The following NDRG2 variants were observed in gnomAD, a reference collection of about 807,000 sequenced individuals.
NDRG2 encodes NDRG family member 2, also known as protein NDRG2.
A neutral mutation model predicts 58.2 loss-of-function variants in NDRG2; 34 were observed. That is an observed-to-expected ratio of 0.58 (90% CI 0.44 to 0.78). NDRG2 has a LOEUF of 0.78. Among genes scored for constraint, NDRG2 ranks in the 30% least tolerant of loss-of-function variants. NDRG2 has a pLI of 0.00. For synonymous variants in NDRG2, 187 were observed against 175.9 expected (o/e 1.06, Z -0.50); for missense variants, 434 against 471.2 (o/e 0.92, Z 0.73).
At chr14:21,052,691 G>C (rs1885520125) in intron 1 of NDRG2, among the ~76,000 whole-genome samples, 1 of 152,206 alleles carries the variant, frequency 6.6e-6, no homozygotes. Context: ...GGCTGGGAAG[G>C]CTGGATGTTA....
At chr14:21,059,245 G>A (rs1009605779) in intron 1 of NDRG2, among the ~76,000 whole-genome samples, 2 of 152,170 alleles carry the variant, frequency 1.3e-5, no homozygotes, top group Admixed American at 6.5e-5. Flanking sequence ...TCAGAATCAG[G>A]ACCTACTAGG....
chr14:21,055,789 C>T (rs1004960869), intron 1 of NDRG2, among the ~76,000 whole-genome samples: 1 of 152,130 alleles, frequency 6.6e-6, no homozygotes, highest in Non-Finnish European at 1.5e-5. Context: ...CACTTGGTAA[C>T]CCTTCCATCC....
At chr14:21,029,590 C>A (rs1883923835), upstream of NDRG2, among the ~76,000 whole-genome samples, 1 of 152,176 alleles carries the variant, frequency 6.6e-6, no homozygotes, top group South Asian at 2.1e-4. Context: ...GACAGCGAGA[C>A]TCCATCTCAA....
upstream of NDRG2, chr14:21,029,221 A>C (rs1883897871): frequency 6.6e-6 from 1 of 152,220 alleles, no homozygotes; most frequent in Non-Finnish European, 1.5e-5. Context: ...GGAGACTAGA[A>C]AACATGACAG....
intron 1 of NDRG2, chr14:21,043,594 G>A: frequency 1.5e-6 from 1 of 676,900 alleles, no homozygotes; most frequent in Non-Finnish European, 2.5e-6. Context: ...TCTGCTGGGA[G>A]GCTGAAGCTG....
Position 21,024,944 on chromosome 14 carries a change from CAGGGG to C in NDRG2, c.-926_-922del, listed in dbSNP as rs1365738159. 1.0e-6 allele frequency: 1 copy of C among 985,508 alleles called. No individual in the cohort carries two copies. The highest frequency in any genetic ancestry group is 1.1e-4 in the East Asian group (1 of 8,792). The allele number at this position is 985,508 out of a possible 1,614,324, so 61.0% of individuals were successfully genotyped here. A position where few individuals can be genotyped will look rare whatever the true frequency, so the allele number is the denominator to read the frequency against. On this transcript the variant is annotated 5_prime_UTR_variant, in exon 1 of 16. Transcript: ENST00000556147. ...GCCCTTTCCCCCGAGCCTCCAGCTC[CAGGGG>C]ACGCGGATCAATCACACCGCCCGCC...
intron 1 of NDRG2, chr14:21,043,247 C>A: frequency 1.2e-6 from 2 of 1,614,192 alleles, no homozygotes; most frequent in Non-Finnish European, 1.7e-6. Flanking sequence ...CCTGCCAGAC[C>A]CCCAAAATAG....
upstream of NDRG2, chr14:21,025,901 G>C (rs1883543745): frequency 5.3e-6 from 1 of 188,496 alleles, no homozygotes; most frequent in Non-Finnish European, 9.9e-6. The surrounding 1 kb of genome is among the most constrained non-coding windows in gnomAD (Gnocchi z 5.1). Flanking sequence ...TCTGACTCCT[G>C]GGTAAACAGG....
At chr14:21,025,143 C>T (rs1883233611), upstream of NDRG2, 1 of 975,032 alleles carries the variant, frequency 1.0e-6, no homozygotes, top group South Asian at 4.7e-5. The surrounding 1 kb of genome is among the most constrained non-coding windows in gnomAD (Gnocchi z 5.1). Flanking sequence ...GGGCGCTAGG[C>T]TCCCCGCAGA....
rs753810344 is a variant in NDRG2 at position 21,058,165 on chromosome 14, TAGCTGTAAAAACTGCCACCAG to T, written c.24+12642_24+12662del. ...AGACCCCCAACATAGCCTGCAAGAA[TAGCTGTAAAAACTGCCACCAG>T]AGCCACGGGCCCATGTCCCTGACCA... is the stretch of plus-strand genomic sequence containing the variant. On this transcript the variant is annotated intron_variant, in intron 1 of 14. Coordinates refer to the NDRG2 transcript ENST00000403829. 1.1e-5 allele frequency: 17 copies of T among 1,613,990 alleles called. No individual in the cohort carries two copies. In the African/African-American group the frequency reaches 1.2e-4, roughly 11 times the overall value.
At chr14:21,031,473 C>A (rs974098148) in intron 1 of NDRG2, among the ~76,000 whole-genome samples, 1 of 152,186 alleles carries the variant, frequency 6.6e-6, no homozygotes, top group Admixed American at 6.5e-5. Flanking sequence ...GATGCCCACT[C>A]CTCTTCCAAT....
chr14:21,020,747 A>C, intron 7 of NDRG2, 37 bp downstream of exon 7: 1 of 1,612,756 alleles, frequency 6.2e-7, no homozygotes, highest in Non-Finnish European at 8.5e-7. Context: ...ATCAGTCTGG[A>C]CCCTCCTTTC....
rs534875700 is a variant in NDRG2 at position 21,023,139 on chromosome 14, G to T, written c.75+102C>A. 4.8e-4 allele frequency: 499 copies of T among 1,030,752 alleles called. 2 individuals are homozygous for T. Among genetic ancestry groups the T allele is most frequent in the Middle Eastern group, 3.0e-3 (15 of 4,948 alleles). The allele number at this position is 1,030,752 out of a possible 1,614,324, so 63.9% of individuals were successfully genotyped here. On this transcript the variant is annotated intron_variant, in intron 2 of 15. Coordinates refer to ENST00000556147, the MANE Select transcript of NDRG2 (RefSeq NM_001320329.2). ...AGACTAGGGTAGTGGTGAAGCAGTG[G>T]TGTGAGTTAGAATAAGATCAGTACG...
At chr14:21,020,969 C>T in intron 6 of NDRG2, 125 bp from the exon 7 acceptor site, 1 of 1,107,798 alleles carries the variant, frequency 9.0e-7, no homozygotes, top group Non-Finnish European at 1.3e-6. Flanking sequence ...AGACACGGAC[C>T]TTTCTTTGGA....
chr14:21,040,353 T>C (rs1884831866), intron 1 of NDRG2, among the ~76,000 whole-genome samples: 1 of 152,184 alleles, frequency 6.6e-6, no homozygotes, highest in South Asian at 2.1e-4. Flanking sequence ...ACAGCTGTGC[T>C]GTCCAGCTAC....
At chr14:21,063,112 G>A (rs369905009) in intron 1 of NDRG2, among the ~76,000 whole-genome samples, 2 of 151,914 alleles carry the variant, frequency 1.3e-5, no homozygotes, top group Non-Finnish European at 2.9e-5. Flanking sequence ...GCTGGGCAAC[G>A]GAGCGAGACC....
At chr14:21,033,964 T>A in intron 1 of NDRG2, 1 of 1,613,958 alleles carries the variant, frequency 6.2e-7, no homozygotes. Flanking sequence ...CAGACCGTGA[T>A]GGGGAGGGAA....
chr14:21,019,614 A>G (rs761736520), intron 10 of NDRG2, 25 bp downstream of exon 10: 5 of 1,475,924 alleles, frequency 3.4e-6, no homozygotes, highest in Non-Finnish European at 2.8e-6. Context: ...TTTCTCTCAC[A>G]TGCATACACA....
intron 13 of NDRG2, 106 bp from the exon 14 acceptor site, chr14:21,018,345 G>A: frequency 6.2e-7 from 1 of 1,602,072 alleles, no homozygotes; most frequent in Non-Finnish European, 8.5e-7. Context: ...TAGCCCCTTT[G>A]TTTTGTTCTT....
Sources: allele counts gnomAD v4.1 joint callset (sites outside exome capture counted in the v4.1 genomes callset), GRCh38; gene constraint gnomAD v4.1.1; non-coding constraint Gnocchi (gnomAD v3.1); transcripts MANE v1.5; gene names NCBI Gene and HGNC (gene_info 2026-07-23, HGNC 2026-07-21).